TENM2: variants seen among roughly 807,000 people sequenced by gnomAD.
TENM2 encodes teneurin-2.
A neutral mutation model predicts 245.2 loss-of-function variants in TENM2; 52 were observed. The observed-to-expected ratio is 0.21, with a 90% CI of 0.17 to 0.27. TENM2 has a LOEUF of 0.27. TENM2 is among the 10% of genes least tolerant of loss of function. The pLI is 1.00. For missense variants in TENM2, 3,046 were observed against 3,666.8 expected (o/e 0.83, Z 4.37); for synonymous variants, 1,363 against 1,438.9 (o/e 0.95, Z 1.19).
intron 2 of TENM2, among the ~76,000 whole-genome samples, chr5:167,486,672 A>G (rs2127536617): frequency 6.6e-6 from 1 of 152,188 alleles, no homozygotes; most frequent in Non-Finnish European, 1.5e-5. Context: ...TAGTGCACTG[A>G]TATATGCCTA....
intron 2 of TENM2, among the ~76,000 whole-genome samples, chr5:167,549,231 G>A (rs1017092584): frequency 6.6e-6 from 1 of 151,960 alleles, no homozygotes; most frequent in African/African-American, 2.4e-5. Context: ...TATAAGCTTT[G>A]TTTTATTTTA....
Position 168,249,685 on chromosome 5 carries a change from A to C in TENM2, c.7432+1314A>C, listed in dbSNP as rs139635233. Among the ~76,000 whole-genome samples, 936 of 152,256 alleles carry C rather than the reference A, an allele frequency of 6.1e-3. 15 individuals carry two copies. The highest frequency in any genetic ancestry group is 0.021 in the African/African-American group (874 of 41,554). On this transcript the variant is annotated intron_variant, in intron 27 of 28. Transcript: ENST00000518659. ...AAGGCAGATTATCTACTTCTCTGTG[A>C]TAAGTGAGAAATGGGTGAAATGAAT...
chr5:167,298,460 G>T (rs1017814221), intron 1 of TENM2, among the ~76,000 whole-genome samples: 1 of 152,106 alleles, frequency 6.6e-6, no homozygotes, highest in Admixed American at 6.5e-5. Context: ...AAAATTAGCC[G>T]GGCGAGGTGG....
the TENM2 span, among the ~76,000 whole-genome samples, chr5:167,270,494 T>A: frequency 6.6e-6 from 1 of 152,152 alleles, no homozygotes. Flanking sequence ...CTGAGGCCTA[T>A]TTCCCTCAAT....
intron 2 of TENM2, among the ~76,000 whole-genome samples, chr5:167,521,525 A>G (rs926966921): frequency 1.3e-5 from 2 of 152,202 alleles, no homozygotes; most frequent in Non-Finnish European, 2.9e-5. Context: ...GCATTGGTGA[A>G]TCAAGCTTGT....
At chr5:167,529,933 T>A (rs78460160) in intron 2 of TENM2, among the ~76,000 whole-genome samples, 1 of 152,090 alleles carries the variant, frequency 6.6e-6, no homozygotes, top group Non-Finnish European at 1.5e-5. Flanking sequence ...ATTCAATTCA[T>A]TGGGGTGCAG....
chr5:167,649,081 T>C (rs779983838), intron 2 of TENM2, among the ~76,000 whole-genome samples: 3 of 152,184 alleles, frequency 2.0e-5, no homozygotes, highest in Non-Finnish European at 4.4e-5. Context: ...ACAAAGAGTA[T>C]GTAGCTTAAT....
the TENM2 span, among the ~76,000 whole-genome samples, chr5:167,109,131 CT>C: frequency 6.6e-6 from 1 of 151,992 alleles, no homozygotes; most frequent in African/African-American, 2.4e-5. Context: ...AATTGCAAAA[CT>C]TTATAGTATT....
intron 1 of TENM2, among the ~76,000 whole-genome samples, chr5:167,323,798 T>A (rs1386934250): frequency 6.6e-6 from 1 of 152,092 alleles, no homozygotes; most frequent in Non-Finnish European, 1.5e-5. Context: ...TACAGGAAAA[T>A]GATAGGATTC....
intron 4 of TENM2, among the ~76,000 whole-genome samples, chr5:167,954,282 C>G (rs1780362030): frequency 6.6e-6 from 1 of 152,126 alleles, no homozygotes; most frequent in Non-Finnish European, 1.5e-5. Context: ...CTGTTTGACT[C>G]TTAATCCAAA....
chr5:167,465,339 A>T (rs1159289061), intron 2 of TENM2, among the ~76,000 whole-genome samples: 1 of 152,212 alleles, frequency 6.6e-6, no homozygotes, highest in Non-Finnish European at 1.5e-5. Flanking sequence ...TCAACAGCTC[A>T]CACACTCTCT....
At chr5:167,992,817 C>T in intron 4 of TENM2, 127 bp from the exon 7 acceptor site, 2 of 673,062 alleles carry the variant, frequency 3.0e-6, no homozygotes, top group South Asian at 3.8e-5. Flanking sequence ...CCCCTTCTTC[C>T]ACTCCAGGGT....
intron 5 of TENM2, among the ~76,000 whole-genome samples, chr5:168,002,466 T>C (rs550369097): frequency 6.6e-6 from 1 of 152,356 alleles, no homozygotes; most frequent in Non-Finnish European, 1.5e-5. Context: ...AGTGGCAGTG[T>C]GTCAAATGCA....
chr5:168,114,004 G>T (rs948280243), intron 9 of TENM2, among the ~76,000 whole-genome samples: 7 of 152,176 alleles, frequency 4.6e-5, no homozygotes, highest in Non-Finnish European at 1.5e-5. Context: ...CCATTAGTAT[G>T]ATTTGACATA....
chr5:167,085,339 T>G, the TENM2 span, among the ~76,000 whole-genome samples: 1 of 152,188 alleles, frequency 6.6e-6, no homozygotes, highest in Non-Finnish European at 1.5e-5. Context: ...TGGGATCAGA[T>G]ACTCAAGATA....
intron 3 of TENM2, among the ~76,000 whole-genome samples, chr5:167,934,315 C>CA (rs1315512402): frequency 6.6e-6 from 1 of 152,190 alleles, no homozygotes; most frequent in Admixed American, 6.5e-5. Flanking sequence ...AGCATCGTAA[C>CA]AGGGTGGAAC....
chr5:167,173,561 A>G, the TENM2 span, among the ~76,000 whole-genome samples: 2 of 152,150 alleles, frequency 1.3e-5, no homozygotes, highest in Non-Finnish European at 2.9e-5. Flanking sequence ...TATGACCAGG[A>G]GCATGTTGGA....
chr5:167,789,801 A>G lies in TENM2; in HGVS notation c.503-86185A>G, dbSNP rs546077964. On this transcript the variant is annotated intron_variant, in intron 2 of 28. Transcript: ENST00000518659. ...ACTGCCTTAATTCAAATCCTGGCTC[A>G]GCTTACCAGCAGAATGAAATGGGAC... is the stretch of plus-strand genomic sequence containing the variant. Among the ~76,000 whole-genome samples, 6 of 152,350 alleles carry G rather than the reference A, an allele frequency of 3.9e-5. No homozygotes were observed. The East Asian group carries it at 9.6e-4, about 24-fold the overall frequency.
intron 2 of TENM2, among the ~76,000 whole-genome samples, chr5:167,470,274 T>G (rs1766928568): frequency 6.6e-6 from 1 of 152,076 alleles, no homozygotes; most frequent in African/African-American, 2.4e-5. Context: ...GAAGTTATGT[T>G]TGTCTATACT....
Sources: allele counts gnomAD v4.1 joint callset (sites outside exome capture counted in the v4.1 genomes callset), GRCh38; gene constraint gnomAD v4.1.1; transcripts MANE v1.5; gene names NCBI Gene and HGNC (gene_info 2026-07-23, HGNC 2026-07-21).